Variants in CTIF observed in about 807,000 individuals in gnomAD.
CTIF encodes the protein cap binding complex dependent translation initiation factor.
Under a neutral mutation model 66.0 loss-of-function variants are expected in CTIF, and 21 were observed. That is an observed-to-expected ratio of 0.32 (90% CI 0.23 to 0.46). The LOEUF is 0.46. CTIF is among the 20% of genes least tolerant of loss of function. The pLI is 1.00. For missense variants in CTIF, 739 were observed against 812.7 expected (o/e 0.91, Z 1.10); for synonymous variants, 345 against 326.4 (o/e 1.06, Z -0.62).
chr18:48,823,976 C>CACACACACACA (rs2068532607), intron 10 of CTIF, among the ~76,000 whole-genome samples: 24 of 124,104 alleles, frequency 1.9e-4, no homozygotes, highest in African/African-American at 6.0e-4. Flanking sequence ...CCTAAAGACT[C>CACACACACACA]CACACACACA....
At chr18:48,725,299 G>A (rs1450854492) in intron 7 of CTIF, among the ~76,000 whole-genome samples, 3 of 152,120 alleles carry the variant, frequency 2.0e-5, no homozygotes, top group African/African-American at 4.8e-5. Context: ...GAGGGCTGGC[G>A]GTGCTCAGTC....
chr18:48,645,015 AAATGT>A (rs2091000906), intron 3 of CTIF, among the ~76,000 whole-genome samples: 1 of 152,218 alleles, frequency 6.6e-6, no homozygotes, highest in African/African-American at 2.4e-5. Context: ...AAGGCCATCA[AAATGT>A]CTTGTTGAAA....
At chr18:48,859,280 T>C (rs1337678423) in intron 11 of CTIF, 64 bp from the exon 12 acceptor site, 1 of 1,385,034 alleles carries the variant, frequency 7.2e-7, no homozygotes. Flanking sequence ...GCCCACCTAA[T>C]CAGGGTGGCC....
rs886359297 is a variant in CTIF, at chr18:48,767,782, G to A, written c.1371+6093G>A. Among the ~76,000 whole-genome samples the A allele has an allele frequency of 1.1e-4, 17 of 152,276 alleles. No individual in the cohort carries two copies. The South Asian group carries it at 1.2e-3, about 11-fold the overall frequency. ...AAAAGCTGACCTTGAGCTAAAGAGC[G>A]GAGAAACTCTTCAGAGTTTCTGGCT... is the stretch of plus-strand genomic sequence containing the variant. On this transcript the variant is annotated intron_variant, in intron 9 of 11. Transcript: ENST00000256413.
At position 48,568,761 on chromosome 18, in the gene CTIF, G is replaced by A. The variant is rs568776497; in HGVS notation, c.-29+29449G>A. ...TGAGCAAAGGCACATCTTACATGGC[G>A]GCAGGCAAAAGAGTGTGTGCAGAGG... On this transcript the variant is annotated intron_variant, in intron 1 of 11. Coordinates refer to ENST00000256413, the MANE Select transcript of CTIF (RefSeq NM_014772.3). 9.9e-5 allele frequency among the ~76,000 whole-genome samples: 15 copies of A among 151,378 alleles called. No homozygotes were observed. In the South Asian group the frequency reaches 2.7e-3, roughly 27 times the overall value.
At chr18:48,707,631 TCTC>T (rs1480631338) in intron 6 of CTIF, among the ~76,000 whole-genome samples, 1 of 151,620 alleles carries the variant, frequency 6.6e-6, no homozygotes, top group Admixed American at 6.6e-5. Flanking sequence ...TCTTCCTCAT[TCTC>T]CTTTTTTTCT....
At chr18:48,815,374 C>T (rs2068340757) in intron 9 of CTIF, among the ~76,000 whole-genome samples, 1 of 152,232 alleles carries the variant, frequency 6.6e-6, no homozygotes, top group Admixed American at 6.5e-5. Flanking sequence ...TCAGATTCTC[C>T]ATCTATAAAA....
intron 9 of CTIF, among the ~76,000 whole-genome samples, chr18:48,815,747 G>A (rs79853803): frequency 0.06 from 9,086 of 152,248 alleles, 431 homozygotes; most frequent in East Asian, 0.28. Context: ...TTCCATCTCT[G>A]GAGATGCTGA....
At chr18:48,557,721 A>G (rs778760800) in intron 1 of CTIF, among the ~76,000 whole-genome samples, 21 of 152,248 alleles carry the variant, frequency 1.4e-4, no homozygotes, top group Non-Finnish European at 2.5e-4. Flanking sequence ...GGAGGCTGGA[A>G]GTCCAAGATC....
intron 10 of CTIF, among the ~76,000 whole-genome samples, chr18:48,832,351 T>G (rs1167894773): frequency 1.3e-5 from 2 of 152,092 alleles, no homozygotes; most frequent in African/African-American, 4.8e-5. Context: ...TTTTGTATTT[T>G]TAGTAGAGAC....
chr18:48,799,174 T>C (rs773260304), intron 9 of CTIF, among the ~76,000 whole-genome samples: 20 of 152,184 alleles, frequency 1.3e-4, no homozygotes, highest in Admixed American at 3.9e-4. Context: ...ATAAGCAAGG[T>C]GTGGTCTCTG....
intron 1 of CTIF, among the ~76,000 whole-genome samples, chr18:48,586,354 A>G (rs1444985798): frequency 6.8e-6 from 1 of 146,538 alleles, no homozygotes; most frequent in Non-Finnish European, 1.5e-5. Context: ...TTAGCTCACC[A>G]CAACCTCCTT....
chr18:48,839,400 C>G (rs990178553), intron 10 of CTIF, among the ~76,000 whole-genome samples: 4 of 152,212 alleles, frequency 2.6e-5, no homozygotes, highest in Non-Finnish European at 5.9e-5. Context: ...ACTGACCCCA[C>G]AGCACACTCT....
chr18:48,569,411 G>A (rs547793657), intron 1 of CTIF, among the ~76,000 whole-genome samples: 6 of 151,418 alleles, frequency 4.0e-5, no homozygotes, highest in Non-Finnish European at 7.4e-5. Context: ...CAAGTGATTC[G>A]GTGCACCCAG....
At chr18:48,766,316 T>C (rs1477199094) in intron 9 of CTIF, among the ~76,000 whole-genome samples, 2 of 151,998 alleles carry the variant, frequency 1.3e-5, no homozygotes, top group Non-Finnish European at 2.9e-5. Context: ...GGGACCACAG[T>C]GGGAAGTCAC....
At chr18:48,779,154 C>T (rs1311676332) in intron 9 of CTIF, among the ~76,000 whole-genome samples, 4 of 152,136 alleles carry the variant, frequency 2.6e-5, no homozygotes, top group Non-Finnish European at 5.9e-5. Flanking sequence ...TGACTGGTGT[C>T]GCTCATGTCT....
chr18:48,707,916 A>G (rs1318302359), intron 6 of CTIF, among the ~76,000 whole-genome samples: 2 of 152,160 alleles, frequency 1.3e-5, no homozygotes, highest in East Asian at 1.9e-4. Flanking sequence ...TCCACTTTCC[A>G]TCTCTGCAGA....
intron 3 of CTIF, among the ~76,000 whole-genome samples, chr18:48,645,011 A>ATATATT (rs2091000764): frequency 6.6e-6 from 1 of 152,232 alleles, no homozygotes; most frequent in African/African-American, 2.4e-5. Context: ...ATGTAAGGCC[A>ATATATT]TCAAAATGTC....
intron 6 of CTIF, among the ~76,000 whole-genome samples, chr18:48,698,308 C>T (rs1023760948): frequency 2.6e-5 from 4 of 151,948 alleles, no homozygotes; most frequent in South Asian, 2.1e-4. Flanking sequence ...GGAGATGCCC[C>T]GGCTGCATGC....
Sources: allele counts gnomAD v4.1 joint callset (sites outside exome capture counted in the v4.1 genomes callset), GRCh38; gene constraint gnomAD v4.1.1; transcripts MANE v1.5; gene names NCBI Gene and HGNC (gene_info 2026-07-23, HGNC 2026-07-21).